Variants in BCL2L12 observed in about 807,000 individuals in gnomAD.
The protein encoded by BCL2L12 is bcl-2-like protein 12.
In BCL2L12, 27 loss-of-function variants were observed where a neutral mutation model predicts 25.7. The observed-to-expected ratio is 1.05, with a 90% CI of 0.78 to 1.45. The LOEUF is 1.45. BCL2L12 is among the 40% of genes most tolerant of loss of function. The probability of loss-of-function intolerance (pLI) is 0.00; values close to 1 mark genes in which losing one functional copy is unlikely to be tolerated. For missense variants in BCL2L12, 302 were observed against 329.8 expected (o/e 0.92, Z 0.65); for synonymous variants, 132 against 145.6 (o/e 0.91, Z 0.67).
Position 49,666,085 on chromosome 19 carries a change from G to C in BCL2L12, c.-9+18G>C. The C allele has an allele frequency of 6.5e-7, 1 of 1,537,206 alleles. No homozygotes were observed. The highest frequency in any genetic ancestry group is 2.1e-4 in the Middle Eastern group (1 of 4,844). On this transcript the variant is annotated intron_variant, in intron 1 of 6. Transcript: ENST00000246784. ...CGGACCAGGTCAGCGGGGTGTTGAC[G>C]AGGGGTGGGGTGAGGAGGGAAGAGG... is the stretch of plus-strand genomic sequence containing the variant.
At chr19:49,665,460 T>C, upstream of BCL2L12, 1 of 201,046 alleles carries the variant, frequency 5.0e-6, no homozygotes. Flanking sequence ...CCTCCCTACT[T>C]TTTCTAGTTT....
intron 1 of BCL2L12, among the ~76,000 whole-genome samples, chr19:49,666,321 C>T (rs1437070510): frequency 6.6e-6 from 1 of 152,212 alleles, no homozygotes; most frequent in Admixed American, 6.5e-5. Flanking sequence ...AGGAGTTTGG[C>T]ATATGCCTCT....
At position 49,672,536 on chromosome 19, in the gene BCL2L12, G is replaced by A. The variant is rs987710429; in HGVS notation, c.703-1162G>A. On this transcript the variant is annotated intron_variant, in intron 6 of 6. Transcript: ENST00000246784. This position sits in a 1 kb window ranked among gnomAD's most constrained non-coding sequence, Gnocchi z 4.1. Reference sequence around the variant, plus strand: ...TCTGGCGGCTGCCTGGGGACAGACTGCTGGGGGCGAGGGCAGAAGTAGGGG... The same window carrying A: ...TCTGGCGGCTGCCTGGGGACAGACTACTGGGGGCGAGGGCAGAAGTAGGGG... Among the ~76,000 whole-genome samples the A allele has an allele frequency of 2.0e-5, 3 of 152,218 alleles. No homozygotes were observed. Among genetic ancestry groups the A allele is most frequent in the African/African-American group, 7.2e-5 (3 of 41,452 alleles).
chr19:49,666,551 C>T lies in BCL2L12; in HGVS notation c.-8-134C>T, dbSNP rs2081774483. 1.6e-5 allele frequency: 10 copies of T among 626,354 alleles called. No individual in the cohort carries two copies. The East Asian group carries it at 2.6e-4, about 16-fold the overall frequency. The allele number at this position is 626,354 out of a possible 1,614,324, so 38.8% of individuals were successfully genotyped here. ...TCTGAGGACTCAAGAGTCTAGGCCC[C>T]CAGACCCACACTCTCCAAAGGACCC... On this transcript the variant is annotated intron_variant, in intron 1 of 6. Transcript: ENST00000246784.
intron 6 of BCL2L12, among the ~76,000 whole-genome samples, chr19:49,671,183 C>T (rs1447221286): frequency 7.8e-6 from 1 of 129,014 alleles, no homozygotes; most frequent in Non-Finnish European, 1.6e-5. Context: ...ATAATAAAAA[C>T]CTGGTGCGGT....
intron 2 of BCL2L12, 106 bp from the exon 3 acceptor site, chr19:49,666,913 T>C (rs2081799431): frequency 7.8e-6 from 12 of 1,529,140 alleles, no homozygotes; most frequent in Non-Finnish European, 9.7e-6. Context: ...TCTCTGTCTT[T>C]GGGGTTTTGG....
rs759892517 is a variant in BCL2L12 at position 49,670,200 on chromosome 19, C to G, written c.430-16C>G. On this transcript the variant is annotated splice_polypyrimidine_tract_variant and intron_variant, in intron 5 of 6. Coordinates refer to ENST00000246784, the MANE Select transcript of BCL2L12 (RefSeq NM_138639.2). ...GGGGCGCTGCTGACGCGGACCCTGC[C>G]TCTTCCACCCTACAGCTGGCCTCGG... is the stretch of plus-strand genomic sequence containing the variant. The G allele has an allele frequency of 3.1e-6, 5 of 1,599,266 alleles. No homozygotes were observed. In the Admixed American group the frequency reaches 8.5e-5, roughly 27 times the overall value.
rs1219386607 is a variant in BCL2L12 at position 49,670,401 on chromosome 19, C to T, written c.615C>T (p.Arg205=). 3.2e-6 allele frequency: 5 copies of T among 1,549,474 alleles called. No individual in the cohort carries two copies. In the African/African-American group the frequency reaches 5.5e-5, roughly 17 times the overall value. The change falls in exon 6 of 7, where the codon CGC becomes CGT. Residue 205 remains arginine, a synonymous_variant. Transcript: ENST00000246784. ...CCCTAGCCATGGAGCTGAGCCGGCG[C>T]GTGGCCGGGCTGGGGGGCACCCTGG... is the stretch of plus-strand genomic sequence containing the variant. ...RLALAMELSR[R]VAGLGGTLAG... is the part of the protein sequence containing the mutation.
Position 49,672,911 on chromosome 19 carries a change from A to G in BCL2L12, c.703-787A>G, listed in dbSNP as rs2081989707. On this transcript the variant is annotated intron_variant, in intron 6 of 6. Coordinates refer to ENST00000246784, the MANE Select transcript of BCL2L12 (RefSeq NM_138639.2). The surrounding 1 kb of genome is among the most constrained non-coding windows in gnomAD (Gnocchi z 4.1). The stretch of plus-strand genomic sequence containing the variant: ...CAGATGGAGTCTCACTCTATTGCCC[A>G]GACTGGAGTGCAGTGGCACGACCTT... Among the ~76,000 whole-genome samples the G allele has an allele frequency of 6.6e-6, 1 of 152,196 alleles. No individual in the cohort carries two copies. The highest frequency in any genetic ancestry group is 2.4e-5 in the African/African-American group (1 of 41,442).
rs774022711 is a variant in BCL2L12 at position 49,669,089 on chromosome 19, G to C, written c.403G>C (p.Glu135Gln). The change falls in exon 5 of 7, where the codon GAG becomes CAG. Residue 135 changes from glutamate (E) to glutamine (Q), a missense_variant. Coordinates refer to ENST00000246784, the MANE Select transcript of BCL2L12 (RefSeq NM_138639.2). Reference protein sequence around the residue: ...ILRRLVALLEEEAEVINQKLA... With the variant: ...ILRRLVALLEQEAEVINQKLA... ...GCGGAGGCTGGTGGCCCTGCTGGAG[G>C]AGGAGGCAGAAGTCATTAACCAGAA... 2.7e-5 allele frequency: 43 copies of C among 1,614,124 alleles called. 1 individual carries two copies. The South Asian group carries it at 4.7e-4, about 18-fold the overall frequency.
intron 6 of BCL2L12, among the ~76,000 whole-genome samples, chr19:49,673,428 C>T (rs1291619202): frequency 6.6e-6 from 1 of 151,994 alleles, no homozygotes; most frequent in African/African-American, 2.4e-5. Flanking sequence ...CTCTGTCCCC[C>T]AACTCTTCAC....
At chr19:49,665,551 A>G (rs2081666537), upstream of BCL2L12, 4 of 400,976 alleles carry the variant, frequency 1.0e-5, no homozygotes, top group Admixed American at 3.9e-5. Flanking sequence ...CTGCCTTTCC[A>G]CTCTCCGTGC....
At chr19:49,665,922 C>T (rs145496469), upstream of BCL2L12, 7 of 1,613,662 alleles carry the variant, frequency 4.3e-6, no homozygotes, top group African/African-American at 5.3e-5. Flanking sequence ...AGCGTGCACC[C>T]AGCGTTCCGC....
chr19:49,670,585 G>A, intron 6 of BCL2L12, 97 bp downstream of exon 6: 1 of 1,453,394 alleles, frequency 6.9e-7, no homozygotes. Flanking sequence ...TCAGACCTCA[G>A]GTATTCTCCC....
chr19:49,673,697 G>C lies in BCL2L12; in HGVS notation c.703-1G>C, dbSNP rs748325802. On this transcript the variant is annotated splice_acceptor_variant, in intron 6 of 6. Coordinates refer to ENST00000246784, the MANE Select transcript of BCL2L12 (RefSeq NM_138639.2). LOFTEE classifies it high-confidence loss of function. The stretch of plus-strand genomic sequence containing the variant: ...AGGGCTCTGCCACTTTTCCCTTCCA[G>C]GAGGGCATCCTGGCTGTTTCACCCG... The C allele has an allele frequency of 6.2e-7, 1 of 1,613,864 alleles. No homozygotes were observed. Among genetic ancestry groups the C allele is most frequent in the Non-Finnish European group, 8.5e-7 (1 of 1,179,840 alleles).
rs114037016 is a variant in BCL2L12, at chr19:49,673,781, C to T, written c.*33C>T. 1,291 of 1,612,934 alleles carry T rather than the reference C, an allele frequency of 8.0e-4. 10 individuals are homozygous for T. The African/African-American group carries it at 0.014, about 18-fold the overall frequency. On this transcript the variant is annotated 3_prime_UTR_variant, in exon 7 of 7. Coordinates refer to ENST00000246784, the MANE Select transcript of BCL2L12 (RefSeq NM_138639.2). ...CTCAGAAGCTGCTACAAGATGACAC[C>T]TCATGTCCCTGCCCTCTTCGTGTGC...
intron 5 of BCL2L12, 50 bp from the exon 6 acceptor site, chr19:49,670,166 C>T: frequency 6.3e-7 from 1 of 1,576,954 alleles, no homozygotes; most frequent in Non-Finnish European, 8.5e-7. Context: ...CCTCTATTGG[C>T]TGGCCCCGGG....
At chr19:49,666,104 G>C in intron 1 of BCL2L12, 37 bp downstream of exon 1, 2 of 1,523,550 alleles carry the variant, frequency 1.3e-6, no homozygotes, top group Non-Finnish European at 1.8e-6. Context: ...GGTGAGGAGG[G>C]AAGAGGAGGG....
intron 6 of BCL2L12, among the ~76,000 whole-genome samples, chr19:49,671,866 G>T (rs1039243117): frequency 6.6e-6 from 1 of 152,036 alleles, no homozygotes; most frequent in Non-Finnish European, 1.5e-5. Flanking sequence ...CACCCCCAAC[G>T]AGGCCTTCCC....
Sources: gnomAD v4.1 joint callset for allele counts (sites outside exome capture counted in the v4.1 genomes callset) on GRCh38, gnomAD v4.1.1 for gene constraint, Gnocchi (gnomAD v3.1) non-coding constraint, MANE v1.5 for transcripts, NCBI Gene and HGNC (gene_info 2026-07-23, HGNC 2026-07-21) for gene names.